Variants in TNR observed in about 807,000 individuals in gnomAD.
TNR encodes tenascin-R.
In TNR, 45 loss-of-function variants were observed where a neutral mutation model predicts 150.4. That is an observed-to-expected ratio of 0.30 (90% CI 0.24 to 0.38). The LOEUF is 0.38. Among genes scored for constraint, TNR ranks in the 10% least tolerant of loss-of-function variants. TNR has a pLI of 1.00. For missense variants in TNR, 1,544 were observed against 1,759.1 expected, an observed-to-expected ratio of 0.88 and a Z score of 2.19; for synonymous variants, 687 against 678.4, an observed-to-expected ratio of 1.01 and a Z score of -0.20.
chr1:175,661,832 T>G (rs1665382469), intron 1 of TNR, among the ~76,000 whole-genome samples: 1 of 114,454 alleles, frequency 8.7e-6, no homozygotes, highest in Admixed American at 1.2e-4. Context: ...CTCCAAGAAC[T>G]TCTTCCCAAA....
chr1:175,457,050 A>C (rs1456375068), intron 2 of TNR, among the ~76,000 whole-genome samples: 2 of 152,206 alleles, frequency 1.3e-5, no homozygotes, highest in East Asian at 3.8e-4. Flanking sequence ...CGGGTAGATA[A>C]ATTGTCAGCA....
At position 175,317,872 on chromosome 1, in the gene TNR, GAGGA is replaced by G. The variant is rs1190527363; in HGVS notation, c.*5481_*5484del. ...GCACTGCAAGAGCCTTATTAAGCTT[GAGGA>G]AGGAGAGAGGATTTCCCCTTTGGAG... is the stretch of plus-strand genomic sequence containing the variant. On this transcript the variant is annotated 3_prime_UTR_variant, in exon 23 of 23. Coordinates refer to ENST00000367674, the MANE Select transcript of TNR (RefSeq NM_003285.3). 7.2e-5 allele frequency: 11 copies of G among 152,274 alleles called. No homozygotes were observed. The South Asian group carries it at 2.3e-3, about 32-fold the overall frequency. The allele number at this position is 152,274 out of a possible 1,614,324, so 9.4% of individuals were successfully genotyped here. A position where few individuals can be genotyped will look rare whatever the true frequency, so the allele number is the denominator to read the frequency against.
In TNR at chr1:175,403,697, C is replaced by G. The variant is rs914169061; in HGVS notation, c.500-81G>C. 9 of 1,165,118 alleles carry G rather than the reference C, an allele frequency of 7.7e-6. No individual in the cohort carries two copies. The African/African-American group carries it at 9.2e-5, about 12-fold the overall frequency. The allele number at this position is 1,165,118 out of a possible 1,614,324, so 72.2% of individuals were successfully genotyped here. On this transcript the variant is annotated intron_variant, in intron 3 of 22. Coordinates refer to ENST00000367674, the MANE Select transcript of TNR (RefSeq NM_003285.3). The stretch of plus-strand genomic sequence containing the variant: ...GCTGGGGAAGGATGGGCAAAGGCCT[C>G]TCTACTCATTCTCTGACCAGATTTC...
At chr1:175,547,526 C>A (rs1004437917) in intron 1 of TNR, among the ~76,000 whole-genome samples, 5 of 150,548 alleles carry the variant, frequency 3.3e-5, no homozygotes, top group Non-Finnish European at 7.4e-5. Flanking sequence ...GGGTGGCATG[C>A]TTTCTCTCAT....
At chr1:175,682,228 T>C (rs796378525) in intron 1 of TNR, among the ~76,000 whole-genome samples, 27 of 152,314 alleles carry the variant, frequency 1.8e-4, no homozygotes, top group African/African-American at 6.5e-4. Context: ...TAACTGACTA[T>C]GCTCACTTGT....
intron 1 of TNR, among the ~76,000 whole-genome samples, chr1:175,548,758 A>C (rs750905427): frequency 3.7e-4 from 56 of 152,288 alleles, no homozygotes; most frequent in African/African-American, 1.2e-3. Context: ...GAACTACAGA[A>C]TATTGGTTAC....
At chr1:175,700,686 G>A (rs1222847848) in intron 1 of TNR, among the ~76,000 whole-genome samples, 1 of 152,174 alleles carries the variant, frequency 6.6e-6, no homozygotes, top group Admixed American at 6.5e-5. Context: ...AGGGCACAGT[G>A]TTCCATACAT....
intron 1 of TNR, among the ~76,000 whole-genome samples, chr1:175,569,160 G>A (rs1005410204): frequency 1.3e-5 from 2 of 152,152 alleles, no homozygotes; most frequent in African/African-American, 2.4e-5. Flanking sequence ...GAAGAAAGTT[G>A]CATCTCAATT....
intron 2 of TNR, among the ~76,000 whole-genome samples, chr1:175,462,366 A>G (rs1415169849): frequency 2.0e-5 from 3 of 152,228 alleles, no homozygotes; most frequent in Non-Finnish European, 4.4e-5. Context: ...CAGTCTTCTC[A>G]GGCTTCTTGT....
At chr1:175,453,707 G>C (rs1656429277) in intron 2 of TNR, among the ~76,000 whole-genome samples, 1 of 151,942 alleles carries the variant, frequency 6.6e-6, no homozygotes, top group South Asian at 2.1e-4. Flanking sequence ...AAGTAGCTGG[G>C]ACTACAGGCA....
intron 1 of TNR, among the ~76,000 whole-genome samples, chr1:175,533,281 G>T (rs993439365): frequency 3.3e-5 from 5 of 152,184 alleles, no homozygotes; most frequent in East Asian, 1.9e-4. Flanking sequence ...GTTGCTAAGA[G>T]AATTTACTTA....
At chr1:175,588,867 C>T (rs1372587196) in intron 1 of TNR, among the ~76,000 whole-genome samples, 1 of 152,322 alleles carries the variant, frequency 6.6e-6, no homozygotes, top group East Asian at 1.9e-4. Context: ...GTGCCTCTCC[C>T]ATGAGCCCAC....
At chr1:175,454,320 TCA>T (rs1222691173) in intron 2 of TNR, among the ~76,000 whole-genome samples, 1 of 152,192 alleles carries the variant, frequency 6.6e-6, no homozygotes, top group Admixed American at 6.5e-5. Context: ...ATCCATTCAT[TCA>T]CAGTGTGCCA....
chr1:175,391,119 G>A (rs1653145739), intron 7 of TNR, among the ~76,000 whole-genome samples, 169 bp downstream of exon 7: 1 of 152,234 alleles, frequency 6.6e-6, no homozygotes, highest in African/African-American at 2.4e-5. Context: ...TAGGGAAGAT[G>A]ATGAGCTAAG....
intron 1 of TNR, among the ~76,000 whole-genome samples, chr1:175,572,352 A>T (rs941828757): frequency 6.6e-6 from 1 of 152,232 alleles, no homozygotes; most frequent in African/African-American, 2.4e-5. Flanking sequence ...TTCTTTAGTA[A>T]TCAAGACTTC....
intron 1 of TNR, among the ~76,000 whole-genome samples, chr1:175,718,505 C>A (rs1177414667): frequency 1.3e-5 from 2 of 152,282 alleles, no homozygotes; most frequent in East Asian, 3.9e-4. Flanking sequence ...ATGCAAGGAG[C>A]AGGAAAGTGA....
rs1426952841 is a variant in TNR, at chr1:175,318,524, T to C, written c.*4833A>G. ...CCTGCTTGCTTTTGAAAGTTTTCAT[T>C]TGGTCTGTGAGTTCTCATCTGGACT... On this transcript the variant is annotated 3_prime_UTR_variant, in exon 23 of 23. Transcript: ENST00000367674. 6.6e-6 allele frequency: 1 copy of C among 152,218 alleles called. No homozygotes were observed. Among genetic ancestry groups the C allele is most frequent in the Non-Finnish European group, 1.5e-5 (1 of 68,038 alleles). The allele number at this position is 152,218 out of a possible 1,614,324, so 9.4% of individuals were successfully genotyped here. A position where few individuals can be genotyped will look rare whatever the true frequency, so the allele number is the denominator to read the frequency against.
chr1:175,516,886 CA>C (rs1353288597), intron 2 of TNR, among the ~76,000 whole-genome samples: 2 of 152,060 alleles, frequency 1.3e-5, no homozygotes, highest in Non-Finnish European at 2.9e-5. Context: ...GACATGTGCA[CA>C]ACTTATATGT....
intron 2 of TNR, among the ~76,000 whole-genome samples, chr1:175,433,155 CTA>C (rs758759584): frequency 6.6e-6 from 1 of 152,168 alleles, no homozygotes; most frequent in Non-Finnish European, 1.5e-5. Flanking sequence ...TATGTTGACA[CTA>C]TGTGTCCACA....
Sources: allele counts gnomAD v4.1 joint callset (sites outside exome capture counted in the v4.1 genomes callset), GRCh38; gene constraint gnomAD v4.1.1; transcripts MANE v1.5; gene names NCBI Gene and HGNC (gene_info 2026-07-23, HGNC 2026-07-21).